The following FHIT variants were observed in gnomAD, a reference collection of about 807,000 sequenced individuals.
FHIT encodes the protein bis(5'-adenosyl)-triphosphatase.
A neutral mutation model predicts 17.9 loss-of-function variants in FHIT; 19 were observed. The observed-to-expected ratio is 1.06, with a 90% CI of 0.74 to 1.56. FHIT has a LOEUF of 1.56. FHIT is among the 40% of genes most tolerant of loss of function. The pLI, the probability that FHIT is intolerant of heterozygous loss-of-function variation, is 0.00. For missense variants in FHIT, 248 were observed against 189.2 expected (o/e 1.31, Z -1.82); for synonymous variants, 81 against 69.7 (o/e 1.16, Z -0.81).
At chr3:60,202,323 G>A (rs1440883522) in intron 5 of FHIT, among the ~76,000 whole-genome samples, 1 of 152,182 alleles carries the variant, frequency 6.6e-6, no homozygotes, top group African/African-American at 2.4e-5. Flanking sequence ...TAACATGGAA[G>A]TATTTTGAAG....
chr3:60,248,596 G>A (rs1467593093), intron 5 of FHIT, among the ~76,000 whole-genome samples: 1 of 152,108 alleles, frequency 6.6e-6, no homozygotes, highest in African/African-American at 2.4e-5. Flanking sequence ...GAAACTCTGA[G>A]AAATTTGTCA....
chr3:59,850,925 C>T lies in FHIT; in HGVS notation c.348+71421G>A, dbSNP rs569025037. ...ATCCATTCTGATGTCACCAAAGCTC[C>T]CCTTCGAGGGAATAACCTGGATTAT... On this transcript the variant is annotated intron_variant, in intron 8 of 9. Transcript: ENST00000492590. 2.9e-4 allele frequency among the ~76,000 whole-genome samples: 44 copies of T among 152,324 alleles called. 1 individual carries two copies. In the South Asian group the frequency reaches 9.1e-3, roughly 32 times the overall value.
chr3:60,153,828 G>T (rs1299549450), intron 5 of FHIT, among the ~76,000 whole-genome samples: 1 of 152,120 alleles, frequency 6.6e-6, no homozygotes, highest in Non-Finnish European at 1.5e-5. Context: ...CCCTGGCCAG[G>T]ATTCAATCAT....
intron 5 of FHIT, among the ~76,000 whole-genome samples, chr3:60,087,783 C>G (rs548220385): frequency 6.6e-6 from 1 of 152,302 alleles, no homozygotes; most frequent in East Asian, 1.9e-4. Flanking sequence ...GCATTTTGGT[C>G]ACAACCACTT....
At chr3:60,609,059 T>A (rs1357870405) in intron 4 of FHIT, among the ~76,000 whole-genome samples, 1 of 151,938 alleles carries the variant, frequency 6.6e-6, no homozygotes, top group Non-Finnish European at 1.5e-5. Context: ...TCCTGGAGAC[T>A]TCTGGTAGAT....
chr3:60,647,993 T>G (rs1389268463), intron 4 of FHIT, among the ~76,000 whole-genome samples: 4 of 152,118 alleles, frequency 2.6e-5, no homozygotes, highest in African/African-American at 9.7e-5. Flanking sequence ...TGGGGAAGAA[T>G]AAGACACAAA....
At chr3:59,819,541 A>C (rs1282458156) in intron 8 of FHIT, among the ~76,000 whole-genome samples, 1 of 152,156 alleles carries the variant, frequency 6.6e-6, no homozygotes, top group Non-Finnish European at 1.5e-5. Context: ...AACCTCTTTG[A>C]CCACCCTGCT....
At chr3:60,520,707 A>G (rs1325900515) in intron 5 of FHIT, among the ~76,000 whole-genome samples, 1 of 152,078 alleles carries the variant, frequency 6.6e-6, no homozygotes, top group Non-Finnish European at 1.5e-5. Context: ...TTAGAGGGTC[A>G]TTTTTCAATG....
At chr3:61,139,999 A>G (rs2037030916) in intron 2 of FHIT, among the ~76,000 whole-genome samples, 1 of 151,176 alleles carries the variant, frequency 6.6e-6, no homozygotes, top group Admixed American at 6.6e-5. Flanking sequence ...ACGACTTTTA[A>G]CAGCTGTCCA....
At chr3:60,571,335 CAAAA>C (rs56094072) in intron 4 of FHIT, among the ~76,000 whole-genome samples, 18 of 54,672 alleles carry the variant, frequency 3.3e-4, no homozygotes, top group African/African-American at 1.0e-3. Context: ...GACTCCATCG[CAAAA>C]AAAAAAAAAA....
At chr3:60,002,387 A>C (rs911290962) in intron 7 of FHIT, among the ~76,000 whole-genome samples, 2 of 152,114 alleles carry the variant, frequency 1.3e-5, no homozygotes, top group Non-Finnish European at 2.9e-5. Context: ...TATATGTCTC[A>C]ACTTCCCTGA....
chr3:60,720,857 A>T (rs2107963142), intron 4 of FHIT, among the ~76,000 whole-genome samples: 1 of 152,290 alleles, frequency 6.6e-6, no homozygotes, highest in African/African-American at 2.4e-5. Context: ...TGTAGTAAAA[A>T]TCTAGCAATT....
chr3:60,071,078 C>A (rs940286856), intron 5 of FHIT, among the ~76,000 whole-genome samples: 3 of 152,162 alleles, frequency 2.0e-5, no homozygotes, highest in African/African-American at 7.2e-5. Flanking sequence ...TATATTTCCA[C>A]CCTCATCTAG....
intron 2 of FHIT, among the ~76,000 whole-genome samples, chr3:61,117,874 G>C (rs566787293): frequency 3.6e-4 from 55 of 152,284 alleles, no homozygotes; most frequent in Middle Eastern, 3.4e-3. Context: ...ATAGTGAGAA[G>C]ATACTATAAT....
At chr3:60,492,173 A>G (rs55904049) in intron 5 of FHIT, among the ~76,000 whole-genome samples, 6,461 of 152,272 alleles carry the variant, frequency 0.042, 446 homozygotes, top group African/African-American at 0.14. Flanking sequence ...TTTCCCACAG[A>G]TTCTTTACTA....
rs935224673 is a variant in FHIT at position 59,749,535 on chromosome 3, G to A, written c.*50C>T. ...AGAGGCGGGGGGCGGTCTTCAAACT[G>A]GTTGGCAATAGCTCTTTTGCTGGAA... On this transcript the variant is annotated 3_prime_UTR_variant, in exon 10 of 10. Transcript: ENST00000492590. 1 of 231,256 alleles carries A rather than the reference G, an allele frequency of 4.3e-6. No individual in the cohort carries two copies. The highest frequency in any genetic ancestry group is 5.6e-5 in the Admixed American group (1 of 17,702). The allele number at this position is 231,256 out of a possible 1,614,324, so 14.3% of individuals were successfully genotyped here.
intron 5 of FHIT, among the ~76,000 whole-genome samples, chr3:60,229,925 T>C (rs1043120965): frequency 6.6e-6 from 1 of 152,198 alleles, no homozygotes; most frequent in African/African-American, 2.4e-5. Flanking sequence ...GAGGCTGCAG[T>C]GAGCTATGAT....
chr3:60,817,895 T>A (rs1397964556), intron 4 of FHIT, among the ~76,000 whole-genome samples: 1 of 152,114 alleles, frequency 6.6e-6, no homozygotes, highest in Non-Finnish European at 1.5e-5. Flanking sequence ...CATTTTAATT[T>A]CTGTTACACA....
chr3:60,981,119 CCAGTA>C (rs1285080802), intron 3 of FHIT, among the ~76,000 whole-genome samples: 2 of 152,142 alleles, frequency 1.3e-5, no homozygotes, highest in Non-Finnish European at 2.9e-5. Context: ...CCTGGCTGCC[CCAGTA>C]CTTCTGGCAT....
Sources: gnomAD v4.1 joint callset for allele counts (sites outside exome capture counted in the v4.1 genomes callset) on GRCh38, gnomAD v4.1.1 for gene constraint, MANE v1.5 for transcripts, NCBI Gene and HGNC (gene_info 2026-07-23, HGNC 2026-07-21) for gene names.